Variants in LRGUK observed in about 807,000 individuals in gnomAD.
The protein encoded by LRGUK is leucine-rich repeat and guanylate kinase domain-containing protein.
Under a neutral mutation model 76.0 loss-of-function variants are expected in LRGUK, and 65 were observed. The observed-to-expected ratio is 0.85, with a 90% CI of 0.70 to 1.05. The LOEUF (loss-of-function observed/expected upper bound fraction) is 1.05, where lower values mean the gene tolerates loss of function less well. Ranked by LOEUF, LRGUK falls within the 50% of genes least tolerant of loss-of-function variation. LRGUK has a pLI of 0.00. For synonymous variants in LRGUK, 268 were observed against 265.6 expected (o/e 1.01, Z -0.09); for missense variants, 758 against 732.8 (o/e 1.03, Z -0.40).
chr7:134,197,564 G>A (rs1339304337), intron 13 of LRGUK, among the ~76,000 whole-genome samples: 2 of 152,144 alleles, frequency 1.3e-5, no homozygotes, highest in Non-Finnish European at 2.9e-5. Context: ...CAGGACAATG[G>A]CAGCCCCATG....
intron 1 of LRGUK, among the ~76,000 whole-genome samples, chr7:134,136,040 T>C (rs1278210367): frequency 1.3e-5 from 2 of 152,222 alleles, no homozygotes; most frequent in South Asian, 2.1e-4. Flanking sequence ...CCTGAATTCA[T>C]ATAGAGGACT....
At chr7:134,232,313 CT>C (rs1801920816) in intron 16 of LRGUK, among the ~76,000 whole-genome samples, 1 of 152,014 alleles carries the variant, frequency 6.6e-6, no homozygotes, top group Admixed American at 6.5e-5. Flanking sequence ...GGGTCTCACC[CT>C]GTCATCCAGG....
rs372759137 is a variant in LRGUK, at chr7:134,222,679, G to A, written c.1983+761G>A. 6.6e-5 allele frequency among the ~76,000 whole-genome samples: 10 copies of A among 151,752 alleles called. 1 individual carries two copies. Among genetic ancestry groups the A allele is most frequent in the South Asian group, 6.2e-4 (3 of 4,812 alleles). On this transcript the variant is annotated intron_variant, in intron 16 of 19. Coordinates refer to the LRGUK transcript ENST00000285928. ...GCTGGAGTGCAATGGTGTGATATCC[G>A]CTCATCGCAACCTCCGCCTCCCAGG...
intron 19 of LRGUK, among the ~76,000 whole-genome samples, chr7:134,263,245 AT>A (rs1464666384): frequency 6.6e-6 from 1 of 151,464 alleles, no homozygotes; most frequent in Non-Finnish European, 1.5e-5. Context: ...TGCTTCTGCT[AT>A]GGCCACCATG....
At chr7:134,263,420 T>TGTGTGTGTGTGTGTGTGTGG (rs1802788600) in intron 19 of LRGUK, among the ~76,000 whole-genome samples, 1 of 150,988 alleles carries the variant, frequency 6.6e-6, no homozygotes, top group African/African-American at 2.5e-5. Context: ...TGTGTGTGTC[T>TGTGTGTGTGTGTGTGTGTGG]GTGTGCATGT....
At chr7:134,226,822 A>C (rs1309617183) in intron 16 of LRGUK, among the ~76,000 whole-genome samples, 1 of 152,218 alleles carries the variant, frequency 6.6e-6, no homozygotes, top group Non-Finnish European at 1.5e-5. Context: ...TGTTGTCGCT[A>C]TGTCAGTGAT....
rs1033855560 is a variant in LRGUK, at chr7:134,159,744, G to A, written c.795+1585G>A. Among the ~76,000 whole-genome samples, 4 of 152,158 alleles carry A rather than the reference G, an allele frequency of 2.6e-5. No individual in the cohort carries two copies. In the East Asian group the frequency reaches 5.8e-4, roughly 22 times the overall value. On this transcript the variant is annotated intron_variant, in intron 6 of 15. Transcript: ENST00000645682. ...GCGGAGGTTGCAGTGAGCCGAGATC[G>A]TGCCACTGAACTCCAGTCTGGGTGA...
chr7:134,255,957 G>C (rs913856398), intron 18 of LRGUK, among the ~76,000 whole-genome samples: 24 of 152,186 alleles, frequency 1.6e-4, no homozygotes, highest in African/African-American at 5.8e-4. Context: ...GCCACCATCT[G>C]GTCCTGGAGT....
intron 8 of LRGUK, 57 bp downstream of exon 8, chr7:134,174,693 G>A: frequency 1.1e-6 from 1 of 938,440 alleles, no homozygotes; most frequent in East Asian, 2.4e-5. Context: ...ATGGTGGAGG[G>A]AAACTATCTA....
chr7:134,128,123 A>C (rs1011890183), intron 1 of LRGUK, among the ~76,000 whole-genome samples: 1 of 152,148 alleles, frequency 6.6e-6, no homozygotes, highest in Non-Finnish European at 1.5e-5. Context: ...AAAAAAAAAA[A>C]AAAAATCCGC....
the LRGUK span, among the ~76,000 whole-genome samples, chr7:134,275,791 G>T: frequency 6.6e-6 from 1 of 152,098 alleles, no homozygotes; most frequent in African/African-American, 2.4e-5. Context: ...ATAAAAATGT[G>T]TGTATTTATG....
chr7:134,164,944 G>A lies in LRGUK; in HGVS notation c.939+1404G>A, dbSNP rs568708207. Among the ~76,000 whole-genome samples, 17 of 152,254 alleles carry A rather than the reference G, an allele frequency of 1.1e-4. No individual in the cohort carries two copies. The South Asian group carries it at 2.1e-3, about 19-fold the overall frequency. On this transcript the variant is annotated intron_variant, in intron 7 of 15. Coordinates refer to ENST00000645682, the Ensembl canonical transcript of LRGUK. Reference sequence around the variant, plus strand: ...GGACAACCTTTGTTCACTGTACCACGTGTCTTAGGAAGTCCACACAATCTC... The same window carrying A: ...GGACAACCTTTGTTCACTGTACCACATGTCTTAGGAAGTCCACACAATCTC...
chr7:134,259,667 C>G (rs1802670225), intron 19 of LRGUK, among the ~76,000 whole-genome samples: 1 of 152,132 alleles, frequency 6.6e-6, no homozygotes, highest in South Asian at 2.1e-4. Flanking sequence ...AAGAGATTTT[C>G]AAGGATTTGA....
intron 14 of LRGUK, among the ~76,000 whole-genome samples, chr7:134,199,629 C>T (rs1221157881): frequency 3.3e-5 from 5 of 151,924 alleles, no homozygotes; most frequent in Admixed American, 2.6e-4. Flanking sequence ...AAGATTGTAG[C>T]TAATAAGATT....
chr7:134,254,554 A>C (rs1802527802), intron 18 of LRGUK, among the ~76,000 whole-genome samples: 1 of 151,994 alleles, frequency 6.6e-6, no homozygotes, highest in Non-Finnish European at 1.5e-5. Flanking sequence ...AGCTCTCTGG[A>C]GTCTTAAATA....
chr7:134,219,784 A>G (rs1214135996), intron 15 of LRGUK, among the ~76,000 whole-genome samples: 3 of 151,824 alleles, frequency 2.0e-5, no homozygotes, highest in Admixed American at 2.0e-4. Flanking sequence ...GGATACATCT[A>G]TGTTCTTATA....
exon 15 of LRGUK, chr7:134,201,575 A>G (rs1486877352): frequency 1.9e-6 from 3 of 1,609,576 alleles, no homozygotes; most frequent in South Asian, 1.1e-5. Flanking sequence ...CTACAACTGC[A>G]GGTACTATTC....
chr7:134,163,302 G>A, intron 6 of LRGUK, 95 bp from the exon 7 acceptor site: 2 of 1,112,086 alleles, frequency 1.8e-6, no homozygotes, highest in Non-Finnish European at 2.5e-6. Flanking sequence ...ATTTTTTTTA[G>A]AGAGATTTGG....
At chr7:134,137,097 G>A (rs1272747095) in exon 2 of LRGUK, 4 of 1,612,764 alleles carry the variant, frequency 2.5e-6, no homozygotes, top group African/African-American at 2.7e-5. Flanking sequence ...CAGGCTCTGG[G>A]ACTGAGCAAG....
Sources: allele counts gnomAD v4.1 joint callset (sites outside exome capture counted in the v4.1 genomes callset), GRCh38; gene constraint gnomAD v4.1.1; transcripts MANE v1.5; gene names NCBI Gene and HGNC (gene_info 2026-07-23, HGNC 2026-07-21).